Variants in ROCK2 observed in about 807,000 individuals in gnomAD.
ROCK2 encodes Rho associated coiled-coil containing protein kinase 2.
A neutral mutation model predicts 195.1 loss-of-function variants in ROCK2; 61 were observed. That is an observed-to-expected ratio of 0.31 (90% CI 0.25 to 0.39). ROCK2 has a LOEUF of 0.39. ROCK2 is among the 10% of genes least tolerant of loss of function. The probability of loss-of-function intolerance (pLI) is 1.00; values close to 1 mark genes in which losing one functional copy is unlikely to be tolerated. For synonymous variants in ROCK2, 504 were observed against 545.5 expected (o/e 0.92, Z 1.06); for missense variants, 1,109 against 1,637.4 (o/e 0.68, Z 5.57).
At chr2:11,315,623 C>T (rs565411629) in intron 1 of ROCK2, among the ~76,000 whole-genome samples, 1 of 152,092 alleles carries the variant, frequency 6.6e-6, no homozygotes, top group African/African-American at 2.4e-5. Flanking sequence ...TCTGGCAAAT[C>T]ATTTAACAAC....
chr2:11,219,991 G>T (rs910947504), intron 9 of ROCK2, among the ~76,000 whole-genome samples: 1 of 151,110 alleles, frequency 6.6e-6, no homozygotes, highest in Admixed American at 6.6e-5. Flanking sequence ...GATTACAGGC[G>T]CAAACCACCA....
intron 9 of ROCK2, 41 bp from the exon 10 acceptor site, chr2:11,219,067 T>C (rs1664532279): frequency 8.8e-7 from 1 of 1,131,266 alleles, no homozygotes; most frequent in Non-Finnish European, 1.3e-6. Context: ...TTCATTTCAT[T>C]TTAATCTATG....
rs183320247 is a variant in ROCK2, at chr2:11,299,481, T to C, written c.142-11745A>G. On this transcript the variant is annotated intron_variant, in intron 1 of 32. Transcript: ENST00000315872. ...CAGATCACATTAGGAAATTAACATT[T>C]ACTGAGTTCATACTATGTGCAAAAG... is the stretch of plus-strand genomic sequence containing the variant. Among the ~76,000 whole-genome samples the C allele has an allele frequency of 2.8e-3, 420 of 152,252 alleles. 1 individual carries two copies. Among genetic ancestry groups the C allele is most frequent in the African/African-American group, 9.5e-3 (396 of 41,544 alleles).
intron 18 of ROCK2, 86 bp downstream of exon 18, chr2:11,211,595 A>T: frequency 7.7e-7 from 1 of 1,294,748 alleles, no homozygotes. Flanking sequence ...TGAAATATAA[A>T]AAAAAATGTT....
chr2:11,283,387 C>T (rs1333237027), intron 3 of ROCK2, among the ~76,000 whole-genome samples: 3 of 150,396 alleles, frequency 2.0e-5, no homozygotes, highest in Admixed American at 6.6e-5. Flanking sequence ...GGTGAAACCC[C>T]GTCTCTACTA....
At chr2:11,191,368 C>T (rs915095322) in intron 32 of ROCK2, among the ~76,000 whole-genome samples, 2 of 152,168 alleles carry the variant, frequency 1.3e-5, no homozygotes, top group Admixed American at 6.5e-5. Flanking sequence ...CCTGACCTTA[C>T]TCCATTTTCC....
At chr2:11,311,165 G>A (rs1439147038) in intron 1 of ROCK2, among the ~76,000 whole-genome samples, 1 of 152,008 alleles carries the variant, frequency 6.6e-6, no homozygotes, top group African/African-American at 2.4e-5. Flanking sequence ...ACAATCTGGA[G>A]ATTTCTATCT....
chr2:11,235,816 A>G lies in ROCK2; in HGVS notation c.609T>C (p.Asp203=). 6.2e-7 allele frequency: 1 copy of G among 1,614,044 alleles called. No individual in the cohort carries two copies. The highest frequency in any genetic ancestry group is 8.5e-7 in the Non-Finnish European group (1 of 1,179,958). The change falls in exon 5 of 33, where the codon GAT becomes GAC. Residue 203 remains aspartate (D), a synonymous_variant. Transcript: ENST00000315872. This position sits in a 1 kb window ranked among gnomAD's most constrained non-coding sequence, Gnocchi z 4.2. ...FYTAEVVLAL[D]AIHSMGLIHR... ...GTATTAAACCCATGGAGTGTATTGC[A>G]TCCAGAGCAAGAACAACTTCAGCAG...
At chr2:11,245,278 ATT>A (rs1337982909) in intron 4 of ROCK2, among the ~76,000 whole-genome samples, 3 of 149,732 alleles carry the variant, frequency 2.0e-5, no homozygotes, top group African/African-American at 7.3e-5. Flanking sequence ...AAAAATATAA[ATT>A]ATATTTTAGG....
intron 18 of ROCK2, 53 bp from the exon 19 acceptor site, chr2:11,208,500 T>G: frequency 8.9e-7 from 1 of 1,124,688 alleles, no homozygotes; most frequent in Non-Finnish European, 1.2e-6. Flanking sequence ...AAGAAGCATA[T>G]CATAAATTTG....
Position 11,294,279 on chromosome 2 carries a change from T to C in ROCK2, c.142-6543A>G, listed in dbSNP as rs76831786. 2.0e-3 allele frequency among the ~76,000 whole-genome samples: 309 copies of C among 152,244 alleles called. 10 individuals are homozygous for C. In the East Asian group the frequency reaches 0.047, roughly 23 times the overall value. ...GGTTTTAGAAGAATTAAATGTAAAGTTGGTAATTGTTCTAATGGTGATAGT... is the reference window on the plus strand; with the variant it reads ...GGTTTTAGAAGAATTAAATGTAAAGCTGGTAATTGTTCTAATGGTGATAGT... On this transcript the variant is annotated intron_variant, in intron 1 of 32. Coordinates refer to ENST00000315872, the MANE Select transcript of ROCK2 (RefSeq NM_004850.5).
At chr2:11,230,700 G>C (rs1664976988) in intron 5 of ROCK2, among the ~76,000 whole-genome samples, 1 of 152,120 alleles carries the variant, frequency 6.6e-6, no homozygotes, top group African/African-American at 2.4e-5. Flanking sequence ...TATTTTAAAT[G>C]TATCAGATTA....
At position 11,229,918 on chromosome 2, in the gene ROCK2, G is replaced by A. The variant is rs961292468; in HGVS notation, c.724-2520C>T. On this transcript the variant is annotated intron_variant, in intron 5 of 32. Coordinates refer to ENST00000315872, the MANE Select transcript of ROCK2 (RefSeq NM_004850.5). ...AAGAGCCAAGAGTTTTACTGTTCACGAAAGAAATTACAAAAAAGAAAGGAG... is the reference window on the plus strand; with the variant it reads ...AAGAGCCAAGAGTTTTACTGTTCACAAAAGAAATTACAAAAAAGAAAGGAG... Among the ~76,000 whole-genome samples, 7 of 152,158 alleles carry A rather than the reference G, an allele frequency of 4.6e-5. No individual in the cohort carries two copies. In the South Asian group the frequency reaches 1.2e-3, roughly 27 times the overall value.
intron 3 of ROCK2, among the ~76,000 whole-genome samples, chr2:11,264,077 A>C (rs922833999): frequency 1.3e-5 from 2 of 152,162 alleles, no homozygotes; most frequent in African/African-American, 4.8e-5. Flanking sequence ...GAACGCAAGG[A>C]TATTTCAAGC....
At chr2:11,198,288 A>G (rs978028387) in intron 25 of ROCK2, among the ~76,000 whole-genome samples, 1 of 152,250 alleles carries the variant, frequency 6.6e-6, no homozygotes, top group Non-Finnish European at 1.5e-5. Flanking sequence ...GGAAATATTA[A>G]GAAAAATTTT....
intron 18 of ROCK2, among the ~76,000 whole-genome samples, chr2:11,208,676 T>C (rs1664143765): frequency 6.6e-6 from 1 of 151,490 alleles, no homozygotes; most frequent in South Asian, 2.1e-4. Flanking sequence ...CAGCTCTTTG[T>C]AACCTCCTGG....
chr2:11,317,592 ATATATATATATATATATATATTTT>A, intron 1 of ROCK2, among the ~76,000 whole-genome samples: 1 of 14,076 alleles, frequency 7.1e-5, no homozygotes, highest in Non-Finnish European at 1.4e-4. Flanking sequence ...ATATATATAT[ATATATATATATATATATATATTTT>A]TTTTTTTTTT....
intron 3 of ROCK2, among the ~76,000 whole-genome samples, chr2:11,266,895 ACTTT>A (rs1666435602): frequency 6.6e-6 from 1 of 152,226 alleles, no homozygotes; most frequent in African/African-American, 2.4e-5. Flanking sequence ...AAAAATTAAG[ACTTT>A]CTTTCTGCAT....
chr2:11,304,017 T>G (rs1468332576), intron 1 of ROCK2, among the ~76,000 whole-genome samples: 1 of 152,204 alleles, frequency 6.6e-6, no homozygotes, highest in Non-Finnish European at 1.5e-5. Flanking sequence ...GTTTATCACA[T>G]ATTTCTCTGG....
Sources: allele counts gnomAD v4.1 joint callset (sites outside exome capture counted in the v4.1 genomes callset), GRCh38; gene constraint gnomAD v4.1.1; non-coding constraint Gnocchi (gnomAD v3.1); transcripts MANE v1.5; gene names NCBI Gene and HGNC (gene_info 2026-07-23, HGNC 2026-07-21).